The following LIMK2 variants were observed in gnomAD, a reference collection of about 807,000 sequenced individuals.
LIMK2 encodes LIM domain kinase 2.
In LIMK2, 35 loss-of-function variants were observed where a neutral mutation model predicts 75.7. The observed-to-expected ratio is 0.46, with a 90% CI of 0.35 to 0.61. The LOEUF (loss-of-function observed/expected upper bound fraction) is 0.61, where lower values mean the gene tolerates loss of function less well. Ranked by LOEUF, LIMK2 falls within the 20% of genes least tolerant of loss-of-function variation. LIMK2 has a pLI of 0.00. For missense variants in LIMK2, 623 were observed against 831.0 expected (o/e 0.75, Z 3.08); for synonymous variants, 301 against 319.2 (o/e 0.94, Z 0.61).
chr22:31,267,752 T>C, intron 9 of LIMK2, 24 bp from the exon 10 acceptor site: 4 of 1,571,340 alleles, frequency 2.5e-6, no homozygotes, highest in Non-Finnish European at 3.4e-6. Flanking sequence ...ACCACCAGCT[T>C]TCCTTGGCTT....
At chr22:31,277,740 T>C (rs1240032790) in intron 15 of LIMK2, 1 of 160,970 alleles carries the variant, frequency 6.2e-6, no homozygotes, top group East Asian at 1.9e-4. Flanking sequence ...TCTAGCATGG[T>C]ATCTACTGTA....
chr22:31,251,468 A>C (rs1452903487), intron 2 of LIMK2, among the ~76,000 whole-genome samples: 2 of 152,120 alleles, frequency 1.3e-5, no homozygotes, highest in Admixed American at 6.5e-5. Flanking sequence ...TCTGCAACTT[A>C]TGTGGCTCCT....
At chr22:31,272,987 TTC>T in intron 13 of LIMK2, 1 of 1,202,572 alleles carries the variant, frequency 8.3e-7, no homozygotes, top group African/African-American at 1.5e-5. Flanking sequence ...AGCTTTAGCC[TTC>T]TCTCTCCATG....
At chr22:31,212,857 G>A (rs1402795073) in intron 1 of LIMK2, among the ~76,000 whole-genome samples, 1 of 152,168 alleles carries the variant, frequency 6.6e-6, no homozygotes, top group Non-Finnish European at 1.5e-5. Context: ...CTAGGGTTCA[G>A]GACAATTAGG....
intron 11 of LIMK2, among the ~76,000 whole-genome samples, chr22:31,268,506 C>G (rs2048919873): frequency 6.6e-6 from 1 of 152,170 alleles, no homozygotes; most frequent in Non-Finnish European, 1.5e-5. Flanking sequence ...GCTGAGGGCC[C>G]TTAGACCAAC....
chr22:31,226,222 T>TTTTAC (rs2048476696), intron 2 of LIMK2, among the ~76,000 whole-genome samples: 1 of 151,534 alleles, frequency 6.6e-6, no homozygotes, highest in East Asian at 1.9e-4. Context: ...TTTTATTTTA[T>TTTTAC]GAGAGGGATT....
chr22:31,262,127 G>T lies in LIMK2; in HGVS notation c.552-7G>T, dbSNP rs1163767299. ...CTTTACCCTGCCTCAACTCTTGTCT[G>T]GCCCAGGGTCAACCGGATGCACATC... is the stretch of plus-strand genomic sequence containing the variant. On this transcript the variant is annotated splice_polypyrimidine_tract_variant and splice_region_variant and intron_variant, in intron 5 of 15. Coordinates refer to ENST00000331728, the MANE Select transcript of LIMK2 (RefSeq NM_005569.4). The surrounding 1 kb of genome is among the most constrained non-coding windows in gnomAD (Gnocchi z 5.0). 1 of 1,612,106 alleles carries T rather than the reference G, an allele frequency of 6.2e-7. No individual in the cohort carries two copies. Among genetic ancestry groups the T allele is most frequent in the Non-Finnish European group, 8.5e-7 (1 of 1,178,272 alleles).
At chr22:31,252,703 G>T (rs1158257421) in intron 2 of LIMK2, among the ~76,000 whole-genome samples, 1 of 152,156 alleles carries the variant, frequency 6.6e-6, no homozygotes, top group South Asian at 2.1e-4. Context: ...ATTTGCCCTT[G>T]GTGGTCTCAA....
At chr22:31,247,453 A>C (rs959036049) in intron 2 of LIMK2, among the ~76,000 whole-genome samples, 1 of 152,178 alleles carries the variant, frequency 6.6e-6, no homozygotes, top group African/African-American at 2.4e-5. Flanking sequence ...CAAGTAGAAG[A>C]AGCTCCACTG....
At chr22:31,233,013 T>C (rs1243232168) in intron 2 of LIMK2, among the ~76,000 whole-genome samples, 11 of 152,184 alleles carry the variant, frequency 7.2e-5, no homozygotes, top group South Asian at 2.1e-4. Context: ...AACATTCCTT[T>C]AGTAATATTC....
intron 2 of LIMK2, among the ~76,000 whole-genome samples, chr22:31,239,700 T>TAC (rs1394844517): frequency 3.9e-5 from 6 of 152,222 alleles, no homozygotes; most frequent in Non-Finnish European, 8.8e-5. Flanking sequence ...GCATCACTCT[T>TAC]AGAGTGTGAA....
At chr22:31,273,654 C>A in intron 14 of LIMK2, 147 bp downstream of exon 14, 1 of 654,444 alleles carries the variant, frequency 1.5e-6, no homozygotes, top group Admixed American at 2.4e-5. Context: ...CGCATCTGCA[C>A]ATCTTTGCCA....
In LIMK2 at chr22:31,273,957, A is replaced by G. The variant is rs140077654; in HGVS notation, c.1614+450A>G. ...AGGTGATCCGCCTGCCTCAGCCTCT[A>G]AAAGTGCTGGAATTAATAGGCGTGA... On this transcript the variant is annotated intron_variant, in intron 14 of 15. Coordinates refer to ENST00000331728, the MANE Select transcript of LIMK2 (RefSeq NM_005569.4). Among the ~76,000 whole-genome samples, 76 of 150,664 alleles carry G rather than the reference A, an allele frequency of 5.0e-4. No individual in the cohort carries two copies. In the East Asian group the frequency reaches 0.013, roughly 26 times the overall value.
intron 15 of LIMK2, chr22:31,276,676 C>G: frequency 1.8e-6 from 2 of 1,082,852 alleles, no homozygotes; most frequent in South Asian, 8.3e-5. Flanking sequence ...GCGCACGTGG[C>G]CCCGGAGGCC....
intron 7 of LIMK2, 28 bp from the exon 8 acceptor site, chr22:31,265,918 C>T: frequency 1.2e-6 from 2 of 1,608,372 alleles, no homozygotes; most frequent in African/African-American, 1.3e-5. Context: ...GACTACACAT[C>T]CCTACTCCCG....
rs138239194 is a variant in LIMK2 at position 31,245,267 on chromosome 22, C to T, written c.117-13024C>T. Among the ~76,000 whole-genome samples the T allele has an allele frequency of 2.6e-5, 4 of 152,234 alleles. No homozygotes were observed. The East Asian group carries it at 7.7e-4, about 29-fold the overall frequency. The stretch of plus-strand genomic sequence containing the variant: ...AGAACAGAGGCCGGCAAGCTATGGC[C>T]CATTGCCTATTTTAATACGGCCTGT... On this transcript the variant is annotated intron_variant, in intron 2 of 15. Transcript: ENST00000331728.
At chr22:31,261,203 G>A (rs1232957712) in intron 5 of LIMK2, among the ~76,000 whole-genome samples, 1 of 152,152 alleles carries the variant, frequency 6.6e-6, no homozygotes, top group Non-Finnish European at 1.5e-5. Context: ...GCTCACGCCT[G>A]TAATGCCAGC....
intron 2 of LIMK2, among the ~76,000 whole-genome samples, chr22:31,228,723 A>G (rs982329328): frequency 6.6e-6 from 1 of 152,096 alleles, no homozygotes; most frequent in Admixed American, 6.5e-5. Context: ...GCTTGAGCCC[A>G]TGAGCCCAGG....
At chr22:31,273,324 C>A in intron 13 of LIMK2, 128 bp from the exon 14 acceptor site, 1 of 810,862 alleles carries the variant, frequency 1.2e-6, no homozygotes, top group Non-Finnish European at 2.1e-6. Flanking sequence ...CGCAGGACAG[C>A]CTGTGGGGTG....
Sources: allele counts gnomAD v4.1 joint callset (sites outside exome capture counted in the v4.1 genomes callset), GRCh38; gene constraint gnomAD v4.1.1; non-coding constraint Gnocchi (gnomAD v3.1); transcripts MANE v1.5; gene names NCBI Gene and HGNC (gene_info 2026-07-23, HGNC 2026-07-21).